Variants in THSD7A observed in about 807,000 individuals in gnomAD.
THSD7A encodes the protein thrombospondin type-1 domain-containing protein 7A.
THSD7A carries 96 observed loss-of-function variants against 231.3 expected under a neutral mutation model. The ratio of observed to expected loss-of-function variants is 0.41; its 90% confidence interval spans 0.35 to 0.49. The LOEUF is 0.49. THSD7A is among the 20% of genes least tolerant of loss of function. The pLI, the probability that THSD7A is intolerant of heterozygous loss-of-function variation, is 0.05. For missense variants in THSD7A, 2,290 were observed against 2,070.2 expected (o/e 1.11, Z -2.06); for synonymous variants, 940 against 743.3 (o/e 1.26, Z -4.30).
At chr7:11,394,955 T>G (rs1401826115) in intron 23 of THSD7A, among the ~76,000 whole-genome samples, 1 of 152,148 alleles carries the variant, frequency 6.6e-6, no homozygotes, top group Non-Finnish European at 1.5e-5. Flanking sequence ...AGGATCAAAT[T>G]CACATATAAC....
At chr7:11,566,803 C>G (rs1790348200) in intron 4 of THSD7A, among the ~76,000 whole-genome samples, 1 of 152,046 alleles carries the variant, frequency 6.6e-6, no homozygotes, top group East Asian at 1.9e-4. Context: ...TTAAATAAAA[C>G]TGCTTAGAAG....
chr7:11,780,441 C>T lies in THSD7A; in HGVS notation c.190+51316G>A, dbSNP rs112256626. Among the ~76,000 whole-genome samples the T allele has an allele frequency of 2.2e-3, 336 of 152,242 alleles. 3 individuals are homozygous for T. Among genetic ancestry groups the T allele is most frequent in the African/African-American group, 7.6e-3 (314 of 41,550 alleles). On this transcript the variant is annotated intron_variant, in intron 1 of 27. Transcript: ENST00000423059. Reference sequence around the variant, plus strand: ...CTCTTTGATCACTATCTGTGGTAGACGCCAGCTGTGACATTTTGAGTTTAC... The same window carrying T: ...CTCTTTGATCACTATCTGTGGTAGATGCCAGCTGTGACATTTTGAGTTTAC...
chr7:11,440,932 C>A (rs1784784938), intron 13 of THSD7A, among the ~76,000 whole-genome samples: 1 of 152,004 alleles, frequency 6.6e-6, no homozygotes, highest in African/African-American at 2.4e-5. Context: ...AACAACATTG[C>A]ATGCAACAGA....
At chr7:11,660,310 A>G (rs777665101) in intron 1 of THSD7A, among the ~76,000 whole-genome samples, 6 of 151,566 alleles carry the variant, frequency 4.0e-5, no homozygotes, top group Non-Finnish European at 5.9e-5. Flanking sequence ...TAAGGAATAC[A>G]AAAGTTCTTA....
At chr7:11,466,362 A>G (rs553589458) in intron 9 of THSD7A, among the ~76,000 whole-genome samples, 252 of 152,302 alleles carry the variant, frequency 1.7e-3, no homozygotes, top group African/African-American at 5.8e-3. Context: ...AAATAATGAA[A>G]AAAACTAACC....
intron 1 of THSD7A, among the ~76,000 whole-genome samples, chr7:11,788,958 C>G (rs1045567153): frequency 6.6e-6 from 1 of 151,770 alleles, no homozygotes; most frequent in Non-Finnish European, 1.5e-5. Flanking sequence ...GTTACATAAA[C>G]AAGTGGGTGT....
In THSD7A at chr7:11,375,864, T is replaced by C. The variant is rs1432142024; in HGVS notation, c.4904A>G (p.Lys1635Arg). 1 of 1,612,738 alleles carries C rather than the reference T, an allele frequency of 6.2e-7. No homozygotes were observed. Among genetic ancestry groups the C allele is most frequent in the Admixed American group, 1.7e-5 (1 of 59,924 alleles). ...MIYLACKKPK[K>R]PQRRQNNRLK... ...TCGGTTGTTTTGCCTTCTTTGGGGT[T>C]TCTTTGGCTTTTTGCTGTAAAAAAA... The change falls in exon 28 of 28, where the codon AAA (lysine) becomes AGA (arginine). Residue 1635 changes from lysine to arginine, a missense_variant. Coordinates refer to ENST00000423059, the MANE Select transcript of THSD7A (RefSeq NM_015204.3).
At chr7:11,827,567 C>T (rs1156387701) in intron 1 of THSD7A, among the ~76,000 whole-genome samples, 1 of 152,082 alleles carries the variant, frequency 6.6e-6, no homozygotes, top group Non-Finnish European at 1.5e-5. Flanking sequence ...TTCTCTAGGT[C>T]TTCTCCCACT....
intron 6 of THSD7A, among the ~76,000 whole-genome samples, chr7:11,533,467 C>T (rs899446209): frequency 6.6e-6 from 1 of 152,166 alleles, no homozygotes; most frequent in South Asian, 2.1e-4. Flanking sequence ...GCACTATTTA[C>T]AATAGCAAAG....
chr7:11,533,962 G>A (rs1266743767), intron 6 of THSD7A, among the ~76,000 whole-genome samples: 2 of 152,130 alleles, frequency 1.3e-5, no homozygotes, highest in African/African-American at 4.8e-5. Flanking sequence ...ATGGGAGAGT[G>A]CTTTTCCACT....
chr7:11,514,039 T>C (rs1346210722), intron 6 of THSD7A, among the ~76,000 whole-genome samples: 1 of 152,050 alleles, frequency 6.6e-6, no homozygotes, highest in Non-Finnish European at 1.5e-5. Context: ...CTCAATGTCT[T>C]TGCACTGGTT....
intron 4 of THSD7A, among the ~76,000 whole-genome samples, chr7:11,589,749 G>A (rs907680526): frequency 1.3e-5 from 2 of 152,136 alleles, no homozygotes; most frequent in African/African-American, 4.8e-5. Context: ...ATTTGTGTGT[G>A]AACTTAAGAT....
chr7:11,520,675 T>C (rs1035137730), intron 6 of THSD7A, among the ~76,000 whole-genome samples: 1 of 152,212 alleles, frequency 6.6e-6, no homozygotes. Flanking sequence ...GAGTTTACAA[T>C]TGTAAAACAT....
chr7:11,542,243 A>G (rs1407212701), intron 5 of THSD7A, among the ~76,000 whole-genome samples: 1 of 152,212 alleles, frequency 6.6e-6, no homozygotes, highest in Non-Finnish European at 1.5e-5. Flanking sequence ...TTGTGCTTTA[A>G]TAGCACCTAA....
intron 4 of THSD7A, among the ~76,000 whole-genome samples, chr7:11,555,195 T>C (rs1350996813): frequency 1.3e-5 from 2 of 151,924 alleles, no homozygotes. Flanking sequence ...GATTATTGAT[T>C]TGTGTCTTAT....
rs1019419099 is a variant in THSD7A at position 11,379,057 on chromosome 7, C to G, written c.4801+13G>C. The G allele has an allele frequency of 1.2e-6, 2 of 1,612,290 alleles. No individual in the cohort carries two copies. The highest frequency in any genetic ancestry group is 1.1e-5 in the South Asian group (1 of 90,990). ...TAAAGGTTTCTCTTTCAACACTAGT[C>G]TAGTCAGTTCACCTGGCCCAAATGG... is the stretch of plus-strand genomic sequence containing the variant. On this transcript the variant is annotated intron_variant, in intron 26 of 27. Transcript: ENST00000423059.
At chr7:11,445,315 A>G (rs929134627) in intron 13 of THSD7A, among the ~76,000 whole-genome samples, 4 of 152,072 alleles carry the variant, frequency 2.6e-5, no homozygotes, top group African/African-American at 9.7e-5. Flanking sequence ...GATGTATTAA[A>G]ATAAAAGAAG....
At chr7:11,723,476 A>T (rs1001957507) in intron 1 of THSD7A, among the ~76,000 whole-genome samples, 1 of 151,700 alleles carries the variant, frequency 6.6e-6, no homozygotes, top group Non-Finnish European at 1.5e-5. Context: ...AAAGTATAAT[A>T]AAAAAAATAA....
At chr7:11,530,472 G>C (rs891836243) in intron 6 of THSD7A, among the ~76,000 whole-genome samples, 5 of 152,328 alleles carry the variant, frequency 3.3e-5, no homozygotes, top group South Asian at 2.1e-4. Flanking sequence ...GTGGAACACA[G>C]TGCTAGGAAA....
Sources: gnomAD v4.1 joint callset for allele counts (sites outside exome capture counted in the v4.1 genomes callset) on GRCh38, gnomAD v4.1.1 for gene constraint, MANE v1.5 for transcripts, NCBI Gene and HGNC (gene_info 2026-07-23, HGNC 2026-07-21) for gene names.